Variants in HMGB1 observed in about 807,000 individuals in gnomAD.
HMGB1 encodes high mobility group box 1.
For missense variants in HMGB1, 79 were observed against 253.5 expected, an observed-to-expected ratio of 0.31 and a Z score of 4.67; for synonymous variants, 81 against 84.0, an observed-to-expected ratio of 0.96 and a Z score of 0.19.
At chr13:30,584,911 G>A (rs1187999314) in intron 1 of HMGB1, among the ~76,000 whole-genome samples, 4 of 152,152 alleles carry the variant, frequency 2.6e-5, no homozygotes, top group Non-Finnish European at 4.4e-5. Context: ...ATAGTGGAAG[G>A]CCGAGGAGGG....
At chr13:30,611,724 T>C (rs553568082) in intron 1 of HMGB1, among the ~76,000 whole-genome samples, 6 of 152,332 alleles carry the variant, frequency 3.9e-5, no homozygotes, top group Admixed American at 2.0e-4. Context: ...TATTCACTGT[T>C]GTATTCTCCC....
At chr13:30,524,909 T>C (rs1276401330) in intron 1 of HMGB1, among the ~76,000 whole-genome samples, 1 of 152,198 alleles carries the variant, frequency 6.6e-6, no homozygotes, top group African/African-American at 2.4e-5. Context: ...CCTGTGGTTA[T>C]ATATGCGTTG....
intron 1 of HMGB1, chr13:30,464,996 C>A (rs1886669146): frequency 6.3e-6 from 1 of 157,640 alleles, no homozygotes; most frequent in African/African-American, 2.6e-5. Context: ...CCGTCTCCCT[C>A]CGCGCGGGCC....
At chr13:30,512,302 G>A (rs1238258596) in intron 1 of HMGB1, among the ~76,000 whole-genome samples, 1 of 152,202 alleles carries the variant, frequency 6.6e-6, no homozygotes, top group East Asian at 1.9e-4. Context: ...AATTTAGGGA[G>A]CAGAGGCAAA....
chr13:30,531,048 A>T (rs1410227303), intron 1 of HMGB1, among the ~76,000 whole-genome samples: 1 of 149,990 alleles, frequency 6.7e-6, no homozygotes, highest in Non-Finnish European at 1.5e-5. Flanking sequence ...CTGTCTCAAA[A>T]GACAAATAAA....
chr13:30,531,362 A>T (rs937076763), intron 1 of HMGB1, among the ~76,000 whole-genome samples: 1 of 152,210 alleles, frequency 6.6e-6, no homozygotes, highest in Non-Finnish European at 1.5e-5. Flanking sequence ...AGAATAAAAA[A>T]AGAGGGTATG....
chr13:30,536,041 A>G (rs1287737975), intron 1 of HMGB1, among the ~76,000 whole-genome samples: 1 of 152,246 alleles, frequency 6.6e-6, no homozygotes, highest in African/African-American at 2.4e-5. Context: ...CATATTTTAA[A>G]TTTGATTTTC....
chr13:30,484,222 AC>A (rs1555233914), intron 1 of HMGB1, among the ~76,000 whole-genome samples: 2 of 152,104 alleles, frequency 1.3e-5, no homozygotes, highest in Non-Finnish European at 2.9e-5. Flanking sequence ...CAGGGTCTGT[AC>A]TACCCAGGCG....
chr13:30,503,863 A>AACATGTACACCTGTGTACATGTGTACAT (rs1887794067), intron 1 of HMGB1, among the ~76,000 whole-genome samples: 1 of 152,104 alleles, frequency 6.6e-6, no homozygotes, highest in East Asian at 1.9e-4. Context: ...TTAAGGCTGC[A>AACATGTACACCTGTGTACATGTGTACAT]GTGTGCTATG....
intron 1 of HMGB1, among the ~76,000 whole-genome samples, chr13:30,511,528 C>T (rs549791829): frequency 1.3e-5 from 2 of 152,274 alleles, no homozygotes; most frequent in African/African-American, 4.8e-5. Flanking sequence ...CCTGCAGAAT[C>T]GTGAGCCAAA....
chr13:30,591,492 T>C (rs1871368155), intron 1 of HMGB1, among the ~76,000 whole-genome samples: 2 of 151,706 alleles, frequency 1.3e-5, no homozygotes, highest in Admixed American at 1.3e-4. Context: ...CTAAGCTCTG[T>C]AAAGAGCACC....
At chr13:30,462,433 C>G (rs775262922) in intron 4 of HMGB1, 105 bp downstream of exon 4, 15 of 886,862 alleles carry the variant, frequency 1.7e-5, no homozygotes, top group African/African-American at 4.9e-5. Flanking sequence ...CAACACCATA[C>G]TTAATGTAGC....
intron 1 of HMGB1, among the ~76,000 whole-genome samples, chr13:30,577,961 T>G (rs1178976667): frequency 6.6e-6 from 1 of 151,838 alleles, no homozygotes; most frequent in Non-Finnish European, 1.5e-5. Context: ...TCCATATGAA[T>G]CCCCAAGTTC....
At chr13:30,563,587 G>A (rs1177051466) in intron 1 of HMGB1, among the ~76,000 whole-genome samples, 10 of 152,248 alleles carry the variant, frequency 6.6e-5, no homozygotes, top group South Asian at 2.1e-4. Flanking sequence ...TCCAGCCTGC[G>A]CAACACACTG....
intron 1 of HMGB1, among the ~76,000 whole-genome samples, chr13:30,512,795 C>G (rs1888020360): frequency 6.6e-6 from 1 of 152,198 alleles, no homozygotes; most frequent in Admixed American, 6.5e-5. Context: ...TCTAAGGGGC[C>G]TCTGTGTGGA....
intron 1 of HMGB1, among the ~76,000 whole-genome samples, chr13:30,474,244 G>A (rs375858039): frequency 3.3e-5 from 5 of 152,086 alleles, no homozygotes; most frequent in South Asian, 4.1e-4. Context: ...AATGTCTTAC[G>A]AGTGGTTTTG....
At chr13:30,586,270 A>C (rs1427258085) in intron 1 of HMGB1, among the ~76,000 whole-genome samples, 1 of 152,014 alleles carries the variant, frequency 6.6e-6, no homozygotes, top group African/African-American at 2.4e-5. Context: ...AAACACTCTC[A>C]ACTTTTAAGA....
chr13:30,616,078 G>A (rs1051418368), intron 1 of HMGB1, among the ~76,000 whole-genome samples: 1 of 152,102 alleles, frequency 6.6e-6, no homozygotes, highest in African/African-American at 2.4e-5. Flanking sequence ...TCTCAACTTG[G>A]GACCGTTACT....
chr13:30,504,649 G>A (rs1184844395), intron 1 of HMGB1, among the ~76,000 whole-genome samples: 1 of 152,196 alleles, frequency 6.6e-6, no homozygotes, highest in Non-Finnish European at 1.5e-5. Flanking sequence ...GTTTAGGTTA[G>A]GTTGAAATCG....
Sources: allele counts gnomAD v4.1 joint callset (sites outside exome capture counted in the v4.1 genomes callset), GRCh38; gene constraint gnomAD v4.1.1; transcripts MANE v1.5; gene names NCBI Gene and HGNC (gene_info 2026-07-23, HGNC 2026-07-21).